The following ZNF770 variants were observed in gnomAD, a reference collection of about 807,000 sequenced individuals.
ZNF770 encodes zinc finger protein 770.
ZNF770 carries 13 observed loss-of-function variants against 44.8 expected under a neutral mutation model. That is an observed-to-expected ratio of 0.29 (90% CI 0.19 to 0.46). ZNF770 has a LOEUF of 0.46. Among genes scored for constraint, ZNF770 ranks in the 20% least tolerant of loss-of-function variants. ZNF770 has a pLI of 1.00. For synonymous variants in ZNF770, 304 were observed against 271.8 expected, an observed-to-expected ratio of 1.12 and a Z score of -1.17; for missense variants, 681 against 797.9, an observed-to-expected ratio of 0.85 and a Z score of 1.77.
At chr15:34,986,117 A>T (rs1272369290) in intron 2 of ZNF770, among the ~76,000 whole-genome samples, 1 of 152,156 alleles carries the variant, frequency 6.6e-6, no homozygotes, top group Non-Finnish European at 1.5e-5. Flanking sequence ...TGATCTATTA[A>T]GGTGAGAAAG....
In ZNF770 at chr15:34,987,015, A is replaced by G. The variant is rs115229240; in HGVS notation, c.-57+542T>C. On this transcript the variant is annotated intron_variant, in intron 2 of 2. Coordinates refer to ENST00000356321, the MANE Select transcript of ZNF770 (RefSeq NM_014106.4). ...TCAGGCAAAGCCTGGTAATTGTCCA[A>G]TGTCAGGACTGAATGATCACACAGG... Among the ~76,000 whole-genome samples, 926 of 152,386 alleles carry G rather than the reference A, an allele frequency of 6.1e-3. 12 individuals carry two copies. Among genetic ancestry groups the G allele is most frequent in the African/African-American group, 0.019 (796 of 41,594 alleles).
At position 34,981,938 on chromosome 15, in the gene ZNF770, T is replaced by A; in HGVS notation, c.1497A>T (p.Gly499=). The change falls in exon 3 of 3, where the codon GGA becomes GGT. Residue 499 remains glycine (G), a synonymous_variant. Transcript: ENST00000356321. ...AAATATTACAGCCAAAGGGCCTCTG[T>A]CCAGTATGAATTAAATAGTGTCTTT... The part of the protein sequence containing the change: ...KLKRHYLIHT[G]QRPFGCNICG... 1 of 1,614,078 alleles carries A rather than the reference T, an allele frequency of 6.2e-7. No homozygotes were observed. Among genetic ancestry groups the A allele is most frequent in the Non-Finnish European group, 8.5e-7 (1 of 1,180,006 alleles).
In ZNF770 at chr15:34,982,307, C is replaced by T; in HGVS notation, c.1128G>A (p.Gln376=). 1 of 1,612,424 alleles carries T rather than the reference C, an allele frequency of 6.2e-7. No individual in the cohort carries two copies. Among genetic ancestry groups the T allele is most frequent in the Non-Finnish European group, 8.5e-7 (1 of 1,179,652 alleles). The change falls in exon 3 of 3, where the codon CAG becomes CAA. Residue 376 remains glutamine, a synonymous_variant. Transcript: ENST00000356321. ...ATGTTCTCTGGGTTTGTTCAGAGCT[C>T]TGCTCACCAGAAATAAGATCACAAT... ...LRNCDLISGE[Q]SSEQTQRTFV...
In ZNF770 at chr15:34,983,124, T is replaced by C. The variant is rs1486818334; in HGVS notation, c.311A>G (p.Asn104Ser). The change falls in exon 3 of 3, where the codon AAT becomes AGT. Residue 104 changes from asparagine to serine, a missense_variant. Transcript: ENST00000356321. The part of the protein sequence containing the change: ...KTFVKHQQLH[N>S]ETYQNNVKQV... ...TTTAACATTATTCTGATAGGTTTCA[T>C]TGTGAAGTTGTTGGTGCTTCACAAA... The C allele has an allele frequency of 9.9e-6, 16 of 1,613,980 alleles. No homozygotes were observed. Among genetic ancestry groups the C allele is most frequent in the Admixed American group, 5.0e-5 (3 of 60,008 alleles).
rs2050387595 is a variant in ZNF770, at chr15:34,979,622, G to A, written c.*1737C>T. ...CCAAGTTACTTAAAAATCACCTGTG[G>A]TAAAAGAAGCAAGCAGATCACCCCC... On this transcript the variant is annotated 3_prime_UTR_variant, in exon 3 of 3. Transcript: ENST00000356321. 1 of 450,608 alleles carries A rather than the reference G, an allele frequency of 2.2e-6. No individual in the cohort carries two copies. The allele number at this position is 450,608 out of a possible 1,614,324, so 27.9% of individuals were successfully genotyped here.
In ZNF770 at chr15:34,981,227, C is replaced by T; in HGVS notation, c.*132G>A. 1.1e-6 allele frequency: 1 copy of T among 888,040 alleles called. No homozygotes were observed. The highest frequency in any genetic ancestry group is 1.7e-6 in the Non-Finnish European group (1 of 605,224). The allele number at this position is 888,040 out of a possible 1,614,324, so 55.0% of individuals were successfully genotyped here. ...ATTTTCTATGTATTCTACCTCCTTA[C>T]TATGCAGGACAAGCAAATGCCTGTG... On this transcript the variant is annotated 3_prime_UTR_variant, in exon 3 of 3. Transcript: ENST00000356321.
chr15:34,980,364 G>C lies in ZNF770; in HGVS notation c.*995C>G, dbSNP rs1410043929. The stretch of plus-strand genomic sequence containing the variant: ...CTGGTAAGTAAACATGGTAAATATA[G>C]GTACATCCTAGCCTCTCGCCTACTT... On this transcript the variant is annotated 3_prime_UTR_variant, in exon 3 of 3. Coordinates refer to ENST00000356321, the MANE Select transcript of ZNF770 (RefSeq NM_014106.4). 1 of 152,060 alleles carries C rather than the reference G, an allele frequency of 6.6e-6. No homozygotes were observed. The highest frequency in any genetic ancestry group is 2.4e-5 in the African/African-American group (1 of 41,384). The allele number at this position is 152,060 out of a possible 1,614,324, so 9.4% of individuals were successfully genotyped here. A position where few individuals can be genotyped will look rare whatever the true frequency, so the allele number is the denominator to read the frequency against.
Position 34,988,205 on chromosome 15 carries a change from T to C in ZNF770, c.-263A>G, listed in dbSNP as rs979995513. Reference sequence around the variant, plus strand: ...GAAGTCCTCCTCACGCATCTGGAGCTGGCGAGGGCCCGGGAGGCACGCACC... The same window carrying C: ...GAAGTCCTCCTCACGCATCTGGAGCCGGCGAGGGCCCGGGAGGCACGCACC... On this transcript the variant is annotated 5_prime_UTR_variant, in exon 1 of 3. Coordinates refer to ENST00000356321, the MANE Select transcript of ZNF770 (RefSeq NM_014106.4). The C allele has an allele frequency of 6.6e-6, 1 of 152,196 alleles. No individual in the cohort carries two copies. Among genetic ancestry groups the C allele is most frequent in the African/African-American group, 2.4e-5 (1 of 41,454 alleles). The allele number at this position is 152,196 out of a possible 1,614,324, so 9.4% of individuals were successfully genotyped here.
chr15:34,982,490 A>C lies in ZNF770; in HGVS notation c.945T>G (p.Phe315Leu), dbSNP rs755497455. 1.1e-5 allele frequency: 17 copies of C among 1,613,906 alleles called. No individual in the cohort carries two copies. Among genetic ancestry groups the C allele is most frequent in the Non-Finnish European group, 1.4e-5 (17 of 1,179,998 alleles). Residue 315 changes from phenylalanine (F) to leucine (L), a missense_variant, in exon 3 of 3, where the codon TTT becomes TTG. Physicochemically the swap from Phe to Leu is conservative, Grantham distance 22. Transcript: ENST00000356321. ...SEQILNEHSC[F>L]AARSGKIPSR... Reference sequence around the variant, plus strand: ...TTGGAATTTTGCCACTTCTAGCAGCAAAACAGCTGTGTTCATTGAGAATCT... The same window carrying C: ...TTGGAATTTTGCCACTTCTAGCAGCCAAACAGCTGTGTTCATTGAGAATCT...
chr15:34,978,726 G>A lies in ZNF770; in HGVS notation c.*2633C>T, dbSNP rs930445380. 2 of 152,078 alleles carry A rather than the reference G, an allele frequency of 1.3e-5. No homozygotes were observed. The highest frequency in any genetic ancestry group is 4.8e-5 in the African/African-American group (2 of 41,382). 9.4% of individuals were successfully genotyped at this position (152,078 alleles called of 1,614,324 possible). A position where few individuals can be genotyped will look rare whatever the true frequency, so the allele number is the denominator to read the frequency against. On this transcript the variant is annotated 3_prime_UTR_variant, in exon 3 of 3. Coordinates refer to ENST00000356321, the MANE Select transcript of ZNF770 (RefSeq NM_014106.4). Reference sequence around the variant, plus strand: ...AAAGTTTCCATAAGAAGCTTGCAATGACAATAAAGGTAAATAAGTACAGTT... The same window carrying A: ...AAAGTTTCCATAAGAAGCTTGCAATAACAATAAAGGTAAATAAGTACAGTT...
In ZNF770 at chr15:34,981,771, T is replaced by C. The variant is rs192292494; in HGVS notation, c.1664A>G (p.Tyr555Cys). 21 of 1,614,174 alleles carry C rather than the reference T, an allele frequency of 1.3e-5. No homozygotes were observed. Among genetic ancestry groups the C allele is most frequent in the East Asian group, 2.2e-5 (1 of 44,886 alleles). ...LSNHSGNNVN[Y>C]NASQQCQAPG... ...AGCCTGACATTGTTGGGAAGCATTA[T>C]AGTTAACATTATTACCTGAATGATT... Residue 555 changes from tyrosine (Y) to cysteine (C), a missense_variant, in exon 3 of 3, where the codon TAT becomes TGT. By Grantham distance (194) the Tyr-to-Cys change is radical. This residue lies in a region of ZNF770 where 148 missense variants were observed against 191.0 expected (regional missense o/e 0.77). Coordinates refer to ENST00000356321, the MANE Select transcript of ZNF770 (RefSeq NM_014106.4).
In ZNF770 at chr15:34,985,436, T is replaced by C. The variant is rs376476645; in HGVS notation, c.-56-1946A>G. ...TACCTTCAACCCCAAATCACAAACA[T>C]ACCCACTGTGGTTCTTTAGCAATGT... is the stretch of plus-strand genomic sequence containing the variant. On this transcript the variant is annotated intron_variant, in intron 2 of 2. Coordinates refer to ENST00000356321, the MANE Select transcript of ZNF770 (RefSeq NM_014106.4). Among the ~76,000 whole-genome samples, 24 of 152,108 alleles carry C rather than the reference T, an allele frequency of 1.6e-4. 6 individuals carry two copies. The highest frequency in any genetic ancestry group is 3.9e-4 in the East Asian group (2 of 5,174).
In ZNF770 at chr15:34,982,184, T is replaced by C. The variant is rs2140520635; in HGVS notation, c.1251A>G (p.Lys417=). 6.2e-7 allele frequency: 1 copy of C among 1,612,728 alleles called. No homozygotes were observed. The highest frequency in any genetic ancestry group is 2.2e-5 in the East Asian group (1 of 44,860). Residue 417 remains lysine, a synonymous_variant, in exon 3 of 3, where the codon AAA becomes AAG. Coordinates refer to ENST00000356321, the MANE Select transcript of ZNF770 (RefSeq NM_014106.4). ...TLPFSWQNMG[K]NLKGILTTEN... ...CTGTCGTAAGGATGCCTTTCAAATTTTTTCCCATATTTTGCCAAGAAAATG... is the reference window on the plus strand; with the variant it reads ...CTGTCGTAAGGATGCCTTTCAAATTCTTTCCCATATTTTGCCAAGAAAATG...
In ZNF770 at chr15:34,985,272, CA is replaced by C. The variant is rs907792500; in HGVS notation, c.-56-1783del. On this transcript the variant is annotated intron_variant, in intron 2 of 2. Coordinates refer to ENST00000356321, the MANE Select transcript of ZNF770 (RefSeq NM_014106.4). ...TAAATAAAGGAGTCAGAGATTTTTTCAAAAAAAAATTAAAAGCTGTGCTAGC... is the reference window on the plus strand; with the variant it reads ...TAAATAAAGGAGTCAGAGATTTTTTCAAAAAAAATTAAAAGCTGTGCTAGC... Among the ~76,000 whole-genome samples the C allele has an allele frequency of 2.0e-5, 3 of 149,414 alleles. No individual in the cohort carries two copies. In the East Asian group the frequency reaches 5.9e-4, roughly 29 times the overall value.
rs769630921 is a variant in ZNF770, at chr15:34,982,861, A to C, written c.574T>G (p.Leu192Val). 6.2e-7 allele frequency: 1 copy of C among 1,613,940 alleles called. No individual in the cohort carries two copies. Residue 192 changes from leucine to valine, a missense_variant, in exon 3 of 3, where the codon TTG becomes GTG. Transcript: ENST00000356321. ...GACTGTCGAAAAGATTTAGTACACAAGACACATTTAAAAGGCCTCTGACCA... is the reference window on the plus strand; with the variant it reads ...GACTGTCGAAAAGATTTAGTACACACGACACATTTAAAAGGCCTCTGACCA... Reference protein sequence around the residue: ...HTGQRPFKCVLCTKSFRQSTH... With the variant: ...HTGQRPFKCVVCTKSFRQSTH...
intron 2 of ZNF770, among the ~76,000 whole-genome samples, chr15:34,983,919 T>C (rs984092380): frequency 3.0e-4 from 45 of 150,976 alleles, no homozygotes; most frequent in Admixed American, 1.7e-3. Flanking sequence ...CATTCAATTA[T>C]AGCACATTGT....
Position 34,982,573 on chromosome 15 carries a change from A to C in ZNF770, c.862T>G (p.Ser288Ala). The C allele has an allele frequency of 6.2e-7, 1 of 1,613,944 alleles. No homozygotes were observed. The highest frequency in any genetic ancestry group is 8.5e-7 in the Non-Finnish European group (1 of 1,180,002). ...CATTGAAAAGGGACAATATAAATTG[A>C]GTGGACATCAAGTGGATTATTCTCC... ...SEENNPLDVH[S>A]IYIVPFQCPK... The change falls in exon 3 of 3, where the codon TCA becomes GCA. Residue 288 changes from serine to alanine, a missense_variant. Coordinates refer to ENST00000356321, the MANE Select transcript of ZNF770 (RefSeq NM_014106.4).
chr15:34,984,515 G>A (rs538276290), intron 2 of ZNF770, among the ~76,000 whole-genome samples: 21 of 151,946 alleles, frequency 1.4e-4, no homozygotes, highest in East Asian at 7.8e-4. Flanking sequence ...AAAATTAGCC[G>A]GGTGTGGTAG....
rs1566799986 is a variant in ZNF770 at position 34,988,169 on chromosome 15, G to A, written c.-227C>T. The A allele has an allele frequency of 6.6e-6, 1 of 152,222 alleles. No individual in the cohort carries two copies. Among genetic ancestry groups the A allele is most frequent in the Non-Finnish European group, 1.5e-5 (1 of 68,054 alleles). 9.4% of individuals were successfully genotyped at this position (152,222 alleles called of 1,614,324 possible). A position where few individuals can be genotyped will look rare whatever the true frequency, so the allele number is the denominator to read the frequency against. On this transcript the variant is annotated 5_prime_UTR_variant, in exon 1 of 3. Transcript: ENST00000356321. ...TCCCTGGGGGTCGCTCCACTTCTCA[G>A]TCGGGTTTCTGAAGTCCTCCTCACG...
Sources: allele counts gnomAD v4.1 joint callset (sites outside exome capture counted in the v4.1 genomes callset), GRCh38; gene constraint gnomAD v4.1.1; regional missense constraint gnomAD v4.1.1; transcripts MANE v1.5; gene names NCBI Gene and HGNC (gene_info 2026-07-23, HGNC 2026-07-21).